DNAJB14: variants seen among roughly 807,000 people sequenced by gnomAD.
DNAJB14 encodes DnaJ heat shock protein family (Hsp40) member B14.
A neutral mutation model predicts 48.4 loss-of-function variants in DNAJB14; 22 were observed. The ratio of observed to expected loss-of-function variants is 0.45; its 90% CI spans 0.32 to 0.65. The LOEUF (loss-of-function observed/expected upper bound fraction) is 0.65, where lower values mean the gene tolerates loss of function less well. Ranked by LOEUF, DNAJB14 falls within the 30% of genes least tolerant of loss-of-function variation. DNAJB14 has a pLI of 0.03. For missense variants in DNAJB14, 319 were observed against 458.8 expected (o/e 0.70, Z 2.78); for synonymous variants, 142 against 158.7 (o/e 0.89, Z 0.79).
chr4:99,916,233 G>A (rs2110202819), intron 3 of DNAJB14, among the ~76,000 whole-genome samples: 1 of 152,208 alleles, frequency 6.6e-6, no homozygotes, highest in East Asian at 1.9e-4. Context: ...CAACCCCCCA[G>A]GCTCAAGTGA....
intron 4 of DNAJB14, among the ~76,000 whole-genome samples, chr4:99,906,824 T>G (rs970037561): frequency 6.6e-6 from 1 of 152,188 alleles, no homozygotes; most frequent in African/African-American, 2.4e-5. Context: ...CAGGTAGAAG[T>G]TCCTTCTTTA....
intron 1 of DNAJB14, among the ~76,000 whole-genome samples, chr4:99,941,862 A>G (rs1726901106): frequency 6.6e-6 from 1 of 152,108 alleles, no homozygotes; most frequent in African/African-American, 2.4e-5. Flanking sequence ...TTTGGCTACT[A>G]GCTGAAATTT....
At position 99,897,018 on chromosome 4, in the gene DNAJB14, C is replaced by G. The variant is rs1006856953; in HGVS notation, c.*4010G>C. 1 of 151,932 alleles carries G rather than the reference C, an allele frequency of 6.6e-6. No homozygotes were observed. Among genetic ancestry groups the G allele is most frequent in the African/African-American group, 2.4e-5 (1 of 41,378 alleles). The allele number at this position is 151,932 out of a possible 1,614,324, so 9.4% of individuals were successfully genotyped here. On this transcript the variant is annotated 3_prime_UTR_variant, in exon 8 of 8. Transcript: ENST00000442697. The stretch of plus-strand genomic sequence containing the variant: ...GAAGCATGGGCCTTATAATAGGAAT[C>G]TCTCCATTAAAATATGAAAAAGAGC...
Position 99,901,097 on chromosome 4 carries a change from C to T in DNAJB14, c.1071G>A (p.Lys357=), listed in dbSNP as rs919601239. The T allele has an allele frequency of 1.9e-6, 3 of 1,610,964 alleles. No homozygotes were observed. In the African/African-American group the frequency reaches 4.0e-5, roughly 22 times the overall value. Residue 357 remains lysine, a synonymous_variant, in exon 8 of 8, where the codon AAG becomes AAA. Transcript: ENST00000442697. ...AGTTGTCCATGCTCAAGGCATCTGCCTTCCTTCGGAGTCGATCATCACGGT... is the reference window on the plus strand; with the variant it reads ...AGTTGTCCATGCTCAAGGCATCTGCTTTCCTTCGGAGTCGATCATCACGGT... ...KVYRDDRLRR[K]ADALSMDNCK...
chr4:99,906,377 G>C, intron 5 of DNAJB14, 140 bp downstream of exon 5: 1 of 969,568 alleles, frequency 1.0e-6, no homozygotes. Context: ...TGTCCCTAAG[G>C]ATTTTCTAGT....
rs142236261 is a variant in DNAJB14 at position 99,905,214 on chromosome 4, A to C, written c.842+383T>G. Among the ~76,000 whole-genome samples the C allele has an allele frequency of 8.2e-3, 1,250 of 152,110 alleles. 9 individuals are homozygous for C. The highest frequency in any genetic ancestry group is 0.028 in the African/African-American group (1,177 of 41,572). ...TGCTTTTATTTAATCGATATTTTGC[A>C]AAATGAAGAGTAAAGTCATTTTCCC... On this transcript the variant is annotated intron_variant, in intron 6 of 7. Transcript: ENST00000442697.
At chr4:99,945,382 T>G (rs965819723) in intron 1 of DNAJB14, among the ~76,000 whole-genome samples, 5 of 152,184 alleles carry the variant, frequency 3.3e-5, no homozygotes, top group Non-Finnish European at 7.4e-5. Flanking sequence ...TGGCCCCATA[T>G]TTTCATTAAT....
rs535111626 is a variant in DNAJB14 at position 99,901,008 on chromosome 4, G to T, written c.*20C>A. The T allele has an allele frequency of 2.2e-4, 359 of 1,599,518 alleles. 8 individuals are homozygous for T. The South Asian group carries it at 3.8e-3, about 17-fold the overall frequency. ...GAAAAAATAAAGAGTACGCTAAAAGGTATAAATAAAAATTCCAGTTCATCC... is the reference window on the plus strand; with the variant it reads ...GAAAAAATAAAGAGTACGCTAAAAGTTATAAATAAAAATTCCAGTTCATCC... On this transcript the variant is annotated 3_prime_UTR_variant, in exon 8 of 8. Transcript: ENST00000442697.
chr4:99,937,248 T>C (rs546988083), intron 1 of DNAJB14, among the ~76,000 whole-genome samples: 131 of 148,000 alleles, frequency 8.9e-4, no homozygotes, highest in Non-Finnish European at 1.7e-3. Context: ...ACCTGGGAGG[T>C]GGAGCTCGCA....
chr4:99,921,984 G>A (rs1248246243), intron 3 of DNAJB14, among the ~76,000 whole-genome samples: 2 of 152,040 alleles, frequency 1.3e-5, no homozygotes, highest in Non-Finnish European at 2.9e-5. Flanking sequence ...ATGAACTGAC[G>A]GAAATGTAAT....
chr4:99,944,312 G>A (rs1194298835), intron 1 of DNAJB14, among the ~76,000 whole-genome samples: 2 of 152,198 alleles, frequency 1.3e-5, no homozygotes, highest in East Asian at 1.9e-4. Flanking sequence ...GTAAAATGGT[G>A]CAGGCGCTAC....
intron 7 of DNAJB14, among the ~76,000 whole-genome samples, chr4:99,903,079 C>T (rs888840554): frequency 6.6e-6 from 1 of 152,120 alleles, no homozygotes; most frequent in African/African-American, 2.4e-5. Flanking sequence ...TCTCCTAACA[C>T]TACACTATAT....
chr4:99,946,240 C>G lies in DNAJB14; in HGVS notation c.133+199G>C, dbSNP rs976041441. On this transcript the variant is annotated intron_variant, in intron 1 of 7. Coordinates refer to ENST00000442697, the MANE Select transcript of DNAJB14 (RefSeq NM_001031723.4). ...GTGCAGAGGAACCTCGCGCAGCATT[C>G]CCCGAGCCCCAGCCCGGAGCCGGGG... Among the ~76,000 whole-genome samples the G allele has an allele frequency of 2.6e-5, 4 of 152,192 alleles. No homozygotes were observed. In the East Asian group the frequency reaches 7.7e-4, roughly 29 times the overall value.
intron 1 of DNAJB14, among the ~76,000 whole-genome samples, chr4:99,946,036 C>A (rs1175162504): frequency 3.9e-5 from 6 of 152,250 alleles, no homozygotes; most frequent in African/African-American, 1.4e-4. Flanking sequence ...CCATTCCTCT[C>A]ACTTCGATAG....
chr4:99,932,448 C>G (rs1726511021), intron 1 of DNAJB14, among the ~76,000 whole-genome samples: 1 of 151,902 alleles, frequency 6.6e-6, no homozygotes, highest in South Asian at 2.1e-4. Context: ...AAATAAAAAT[C>G]AAAACCACAA....
At chr4:99,923,227 G>A (rs748794160) in intron 2 of DNAJB14, 42 bp from the exon 3 acceptor site, 3 of 1,540,216 alleles carry the variant, frequency 1.9e-6, no homozygotes. Context: ...TTTCAAGGAA[G>A]ACGGTCATGT....
chr4:99,901,182 T>A, intron 7 of DNAJB14, 30 bp from the exon 8 acceptor site: 1 of 1,560,606 alleles, frequency 6.4e-7, no homozygotes, highest in Non-Finnish European at 8.6e-7. Flanking sequence ...TTTTGCTAAT[T>A]GAATAAAATT....
intron 3 of DNAJB14, 95 bp from the exon 4 acceptor site, chr4:99,908,991 A>G: frequency 1.2e-6 from 1 of 804,598 alleles, no homozygotes; most frequent in Non-Finnish European, 1.8e-6. Context: ...AAAAAAGACT[A>G]CCTAAAACTA....
At position 99,897,201 on chromosome 4, in the gene DNAJB14, A is replaced by ATATATAT. The variant is rs71594566; in HGVS notation, c.*3826_*3827insATATATA. 18 of 133,836 alleles carry ATATATAT rather than the reference A, an allele frequency of 1.3e-4. No homozygotes were observed. Among genetic ancestry groups the ATATATAT allele is most frequent in the African/African-American group, 4.8e-4 (17 of 35,330 alleles). 8.3% of individuals were successfully genotyped at this position (133,836 alleles called of 1,614,324 possible). A position where few individuals can be genotyped will look rare whatever the true frequency, so the allele number is the denominator to read the frequency against. On this transcript the variant is annotated 3_prime_UTR_variant, in exon 8 of 8. Transcript: ENST00000442697. ...TAATTAGCTGGGAAAAAAAAAAAAA[A>ATATATAT]ATATATATATATATATATACACCTA...
Sources: allele counts gnomAD v4.1 joint callset (sites outside exome capture counted in the v4.1 genomes callset), GRCh38; gene constraint gnomAD v4.1.1; transcripts MANE v1.5; gene names NCBI Gene and HGNC (gene_info 2026-07-23, HGNC 2026-07-21).